SCO1: variants seen among roughly 807,000 people sequenced by gnomAD.
SCO1 encodes the protein synthesis of cytochrome C oxidase 1.
In SCO1, 23 loss-of-function variants were observed where a neutral mutation model predicts 34.0. That is an observed-to-expected ratio of 0.68 (90% CI 0.49 to 0.96). The LOEUF (loss-of-function observed/expected upper bound fraction) is 0.96, where lower values mean the gene tolerates loss of function less well. Ranked by LOEUF, SCO1 falls within the 40% of genes least tolerant of loss-of-function variation. The probability of loss-of-function intolerance (pLI) is 0.00; values close to 1 mark genes in which losing one functional copy is unlikely to be tolerated. For missense variants in SCO1, 404 were observed against 381.6 expected, an observed-to-expected ratio of 1.06 and a Z score of -0.49; for synonymous variants, 161 against 145.5, an observed-to-expected ratio of 1.11 and a Z score of -0.77.
intron 5 of SCO1, among the ~76,000 whole-genome samples, chr17:10,685,276 A>T (rs753077218): frequency 1.3e-5 from 2 of 152,238 alleles, no homozygotes; most frequent in Non-Finnish European, 2.9e-5. Flanking sequence ...AAAGGCTCTT[A>T]GGATTACTCT....
rs151077820 is a variant in SCO1, at chr17:10,685,558, A to C, written c.771+1169T>G. 3.9e-3 allele frequency among the ~76,000 whole-genome samples: 592 copies of C among 152,342 alleles called. 9 individuals carry two copies. The highest frequency in any genetic ancestry group is 0.019 in the Admixed American group (288 of 15,306). ...GTTAATTTAAGAGCTACACAAGTAC[A>C]ACAGAATTTCTGTTCCTTATCATTA... is the stretch of plus-strand genomic sequence containing the variant. On this transcript the variant is annotated intron_variant, in intron 5 of 5. Transcript: ENST00000255390.
At chr17:10,687,687 A>C (rs1487633098) in intron 4 of SCO1, among the ~76,000 whole-genome samples, 1 of 152,212 alleles carries the variant, frequency 6.6e-6, no homozygotes, top group African/African-American at 2.4e-5. Context: ...CTTTTTTTAA[A>C]ACTAAATTGC....
intron 3 of SCO1, 109 bp downstream of exon 3, chr17:10,692,655 T>C: frequency 1.1e-6 from 1 of 898,200 alleles, no homozygotes; most frequent in South Asian, 1.4e-5. Context: ...TTTATGTTCT[T>C]ACAAATCACA....
At chr17:10,690,871 C>G (rs2074685259) in intron 4 of SCO1, among the ~76,000 whole-genome samples, 1 of 152,110 alleles carries the variant, frequency 6.6e-6, no homozygotes, top group Admixed American at 6.5e-5. Context: ...AGAATGAAAT[C>G]CTGTCATTTG....
In SCO1 at chr17:10,675,241, T is replaced by C. The variant is rs1157380016; in HGVS notation, c.*5878A>G. The stretch of plus-strand genomic sequence containing the variant: ...ACACCACACCTGAGGCCCACTCTCC[T>C]ACCATCTGCCTCCTGCTGTTGCTGA... On this transcript the variant is annotated 3_prime_UTR_variant, in exon 6 of 6. Transcript: ENST00000255390. The C allele has an allele frequency of 6.6e-6, 1 of 152,528 alleles. No homozygotes were observed. The highest frequency in any genetic ancestry group is 2.4e-5 in the African/African-American group (1 of 41,460). 9.4% of individuals were successfully genotyped at this position (152,528 alleles called of 1,614,324 possible).
intron 4 of SCO1, among the ~76,000 whole-genome samples, chr17:10,691,118 T>C (rs1038760253): frequency 1.3e-5 from 2 of 152,326 alleles, no homozygotes; most frequent in African/African-American, 4.8e-5. Flanking sequence ...TTTGTCATAG[T>C]AAATGTTTTA....
chr17:10,690,129 G>A (rs773718768), intron 4 of SCO1, among the ~76,000 whole-genome samples: 3 of 152,160 alleles, frequency 2.0e-5, no homozygotes, highest in African/African-American at 7.2e-5. Context: ...CAGGACATTA[G>A]TCTGGGAAAA....
chr17:10,694,134 A>C (rs1691565301), intron 2 of SCO1, among the ~76,000 whole-genome samples: 1 of 152,236 alleles, frequency 6.6e-6, no homozygotes, highest in South Asian at 2.1e-4. Context: ...ATACAGCATC[A>C]CTTTTGTGAT....
intron 5 of SCO1, among the ~76,000 whole-genome samples, chr17:10,682,411 C>T (rs1194385291): frequency 1.3e-5 from 2 of 152,104 alleles, no homozygotes; most frequent in Non-Finnish European, 2.9e-5. Flanking sequence ...GATAGTTCAC[C>T]GCAGGAGCAA....
chr17:10,672,589 C>G lies in SCO1; in HGVS notation c.*8530G>C, dbSNP rs897309995. ...TTGTGCAGCGACCACTACCAAGACA[C>G]AGATCATTTTTACCACTTCCCCAAA... On this transcript the variant is annotated 3_prime_UTR_variant, in exon 6 of 6. Coordinates refer to ENST00000255390, the MANE Select transcript of SCO1 (RefSeq NM_004589.4). The G allele has an allele frequency of 6.6e-6, 1 of 152,238 alleles. No individual in the cohort carries two copies. The highest frequency in any genetic ancestry group is 1.5e-5 in the Non-Finnish European group (1 of 68,042). 9.4% of individuals were successfully genotyped at this position (152,238 alleles called of 1,614,324 possible).
chr17:10,691,918 A>G lies in SCO1; in HGVS notation c.609T>C (p.Ile203=). ...CTTCTTTTGTGTCCCTCTCTGGGTCAATGCTGATGAAAAGTGGAGTTAGAT... is the reference window on the plus strand; with the variant it reads ...CTTCTTTTGTGTCCCTCTCTGGGTCGATGCTGATGAAAAGTGGAGTTAGAT... ...LPDLTPLFIS[I]DPERDTKEAI... Residue 203 remains isoleucine, a synonymous_variant, in exon 4 of 6, where the codon ATT becomes ATC. Transcript: ENST00000255390. The G allele has an allele frequency of 1.2e-6, 2 of 1,613,786 alleles. No individual in the cohort carries two copies. The highest frequency in any genetic ancestry group is 4.5e-5 in the East Asian group (2 of 44,878).
intron 5 of SCO1, 97 bp downstream of exon 5, chr17:10,686,630 A>T: frequency 1.2e-6 from 1 of 825,436 alleles, no homozygotes; most frequent in Non-Finnish European, 2.2e-6. Context: ...AATCTTAGGT[A>T]TTCTCTCTTC....
intron 1 of SCO1, among the ~76,000 whole-genome samples, chr17:10,696,129 C>T (rs1333860296): frequency 2.1e-5 from 3 of 142,548 alleles, no homozygotes; most frequent in Non-Finnish European, 4.5e-5. Context: ...CTATGTGTGA[C>T]CCTAGCTCCA....
intron 4 of SCO1, among the ~76,000 whole-genome samples, chr17:10,690,003 G>A (rs1283231798): frequency 6.6e-6 from 1 of 152,142 alleles, no homozygotes; most frequent in Non-Finnish European, 1.5e-5. Context: ...CTACATAGTA[G>A]AATGAAACTA....
rs7512 is a variant in SCO1 at position 10,680,397 on chromosome 17, G to C, written c.*722C>G. On this transcript the variant is annotated 3_prime_UTR_variant, in exon 6 of 6. Coordinates refer to ENST00000255390, the MANE Select transcript of SCO1 (RefSeq NM_004589.4). ...AGTACAATCCAGTATATGCAGAAAG[G>C]TACTCAGCATCACACTCGTGATCAA... 70,945 of 154,044 alleles carry C rather than the reference G, an allele frequency of 0.46. 16,598 individuals carry two copies. The highest frequency in any genetic ancestry group is 0.54 in the East Asian group (2,810 of 5,194). 9.5% of individuals were successfully genotyped at this position (154,044 alleles called of 1,614,324 possible).
chr17:10,694,211 G>T (rs989338646), intron 2 of SCO1, among the ~76,000 whole-genome samples: 7 of 152,106 alleles, frequency 4.6e-5, no homozygotes, highest in Admixed American at 2.6e-4. Context: ...CCAAGCTAAG[G>T]GGCATTCTAC....
At chr17:10,686,693 T>C (rs950369957) in intron 5 of SCO1, 34 bp downstream of exon 5, 4 of 1,293,366 alleles carry the variant, frequency 3.1e-6, no homozygotes, top group South Asian at 2.4e-5. Context: ...ATCTGGGAGC[T>C]GGTCCATGGG....
At chr17:10,690,826 T>C (rs779285349) in intron 4 of SCO1, among the ~76,000 whole-genome samples, 1 of 151,122 alleles carries the variant, frequency 6.6e-6, no homozygotes, top group South Asian at 2.1e-4. Flanking sequence ...AAATGCAGTA[T>C]ACATACGTCA....
rs2074584584 is a variant in SCO1 at position 10,676,958 on chromosome 17, A to G, written c.*4161T>C. On this transcript the variant is annotated 3_prime_UTR_variant, in exon 6 of 6. Transcript: ENST00000255390. ...TATTACTTGAATCTTGTTAATGAAT[A>G]GAAATAACCGTCCATTTTGTTACAC... The G allele has an allele frequency of 6.6e-6, 1 of 152,244 alleles. No individual in the cohort carries two copies. The highest frequency in any genetic ancestry group is 6.5e-5 in the Admixed American group (1 of 15,286). 9.4% of individuals were successfully genotyped at this position (152,244 alleles called of 1,614,324 possible).
Sources: allele counts gnomAD v4.1 joint callset (sites outside exome capture counted in the v4.1 genomes callset), GRCh38; gene constraint gnomAD v4.1.1; transcripts MANE v1.5; gene names NCBI Gene and HGNC (gene_info 2026-07-23, HGNC 2026-07-21).